POU2F1: variants seen among roughly 807,000 people sequenced by gnomAD.
POU2F1 encodes POU domain, class 2, transcription factor 1.
A neutral mutation model predicts 84.9 loss-of-function variants in POU2F1; 16 were observed. The observed-to-expected ratio is 0.19, with a 90% CI of 0.13 to 0.29. The LOEUF (loss-of-function observed/expected upper bound fraction) is 0.29. POU2F1 is among the 10% of genes least tolerant of loss of function. The pLI, the probability that POU2F1 is intolerant of heterozygous loss-of-function variation, is 1.00. For synonymous variants in POU2F1, 368 were observed against 368.3 expected (o/e 1.00, Z 0.01); for missense variants, 738 against 942.6 (o/e 0.78, Z 2.84).
intron 1 of POU2F1, among the ~76,000 whole-genome samples, chr1:167,304,321 A>G (rs1318098400): frequency 3.9e-5 from 6 of 152,186 alleles, no homozygotes; most frequent in Admixed American, 6.5e-5. Flanking sequence ...ATTTAAGCCT[A>G]CGAAGAACTC....
At chr1:167,322,983 G>A (rs746789332) in intron 1 of POU2F1, among the ~76,000 whole-genome samples, 69 of 152,166 alleles carry the variant, frequency 4.5e-4, no homozygotes, top group Non-Finnish European at 6.3e-4. Context: ...CATGGGCGTC[G>A]TAGCCATCAT....
At chr1:167,233,290 C>T (rs1437000421) in intron 1 of POU2F1, among the ~76,000 whole-genome samples, 1 of 151,798 alleles carries the variant, frequency 6.6e-6, no homozygotes, top group African/African-American at 2.4e-5. Context: ...GCGCACGCAC[C>T]CATGCCCAGC....
intron 1 of POU2F1, among the ~76,000 whole-genome samples, chr1:167,256,607 A>C (rs1651160668): frequency 6.6e-6 from 1 of 152,346 alleles, no homozygotes; most frequent in Admixed American, 6.5e-5. Context: ...AGTAGAATTC[A>C]GATCTCAGAA....
intron 1 of POU2F1, among the ~76,000 whole-genome samples, chr1:167,225,814 T>TA (rs1648586975): frequency 6.6e-6 from 1 of 152,224 alleles, no homozygotes; most frequent in Non-Finnish European, 1.5e-5. Flanking sequence ...GCCTTGTTGT[T>TA]ATCGGTTATT....
intron 1 of POU2F1, among the ~76,000 whole-genome samples, chr1:167,258,699 G>C (rs1380234851): frequency 6.6e-6 from 1 of 152,196 alleles, no homozygotes; most frequent in Non-Finnish European, 1.5e-5. Context: ...ATACTATGTA[G>C]ATACTTATAT....
In POU2F1 at chr1:167,413,253, GCTGA is replaced by G; in HGVS notation, c.1990+142_1990+145del. 3 of 736,844 alleles carry G rather than the reference GCTGA, an allele frequency of 4.1e-6. No individual in the cohort carries two copies. In the Admixed American group the frequency reaches 8.3e-5, roughly 20 times the overall value. 45.6% of individuals were successfully genotyped at this position (736,844 alleles called of 1,614,324 possible). Reference sequence around the variant, plus strand: ...TAAAAGTGATGGGAAAGAGTCAAATGCTGACTAACTTGTTCTTGAGAACTAAGAA... The same window carrying G: ...TAAAAGTGATGGGAAAGAGTCAAATGCTAACTTGTTCTTGAGAACTAAGAA... On this transcript the variant is annotated intron_variant, in intron 15 of 15. Coordinates refer to ENST00000367866, the MANE Select transcript of POU2F1 (RefSeq NM_002697.4).
intron 1 of POU2F1, among the ~76,000 whole-genome samples, chr1:167,270,849 A>G (rs931343362): frequency 3.3e-5 from 5 of 152,208 alleles, no homozygotes; most frequent in Admixed American, 3.3e-4. Flanking sequence ...TCTCCTGCCC[A>G]GCACATTTCT....
Position 167,332,606 on chromosome 1 carries a change from A to C in POU2F1, c.127+71A>C, listed in dbSNP as rs1298866345. 3.8e-6 allele frequency: 5 copies of C among 1,302,942 alleles called. No individual in the cohort carries two copies. In the South Asian group the frequency reaches 6.1e-5, roughly 16 times the overall value. The allele number at this position is 1,302,942 out of a possible 1,614,324, so 80.7% of individuals were successfully genotyped here. A position where few individuals can be genotyped will look rare whatever the true frequency, so the allele number is the denominator to read the frequency against. ...CAAAGAAGAAAGTTTCCATGTAACT[A>C]GGACTTGTATTTGGCAAATACAGAC... is the stretch of plus-strand genomic sequence containing the variant. On this transcript the variant is annotated intron_variant, in intron 2 of 15. Coordinates refer to ENST00000367866, the MANE Select transcript of POU2F1 (RefSeq NM_002697.4).
At chr1:167,324,185 A>AT (rs1656530279) in intron 1 of POU2F1, among the ~76,000 whole-genome samples, 1 of 152,228 alleles carries the variant, frequency 6.6e-6, no homozygotes, top group African/African-American at 2.4e-5. Context: ...ATAGAAAAGC[A>AT]TTATGGACTC....
At chr1:167,237,755 TATATATA>T (rs1168694247) in intron 1 of POU2F1, among the ~76,000 whole-genome samples, 2 of 45,474 alleles carry the variant, frequency 4.4e-5, no homozygotes, top group Non-Finnish European at 7.8e-5. Flanking sequence ...TGTATATATA[TATATATA>T]TATATATATA....
intron 2 of POU2F1, among the ~76,000 whole-genome samples, chr1:167,334,776 C>T (rs1471381152): frequency 6.6e-6 from 1 of 152,148 alleles, no homozygotes; most frequent in Non-Finnish European, 1.5e-5. Context: ...TTTATTTAAG[C>T]ATATAACAAA....
At chr1:167,403,180 A>G (rs1352763903) in intron 13 of POU2F1, among the ~76,000 whole-genome samples, 2 of 152,094 alleles carry the variant, frequency 1.3e-5, no homozygotes, top group Admixed American at 6.5e-5. Context: ...TTTTTTAATT[A>G]TTAAAAACAT....
At chr1:167,299,696 T>G (rs1027099047) in intron 1 of POU2F1, among the ~76,000 whole-genome samples, 13 of 101,970 alleles carry the variant, frequency 1.3e-4, no homozygotes, top group East Asian at 6.3e-4. Flanking sequence ...GAGACCAGAG[T>G]TTTTTTTTTT....
chr1:167,234,182 A>G (rs1649282472), intron 1 of POU2F1, among the ~76,000 whole-genome samples: 1 of 152,196 alleles, frequency 6.6e-6, no homozygotes, highest in African/African-American at 2.4e-5. Flanking sequence ...AGATCTATAG[A>G]TTTAACAGCT....
chr1:167,325,032 A>G (rs1656600592), intron 1 of POU2F1, among the ~76,000 whole-genome samples: 1 of 152,128 alleles, frequency 6.6e-6, no homozygotes, highest in Non-Finnish European at 1.5e-5. Context: ...ATGTTGTTTC[A>G]TATTTGGTGG....
At chr1:167,341,325 TTC>T (rs1657832690) in intron 2 of POU2F1, among the ~76,000 whole-genome samples, 1 of 152,204 alleles carries the variant, frequency 6.6e-6, no homozygotes, top group Non-Finnish European at 1.5e-5. Context: ...TAATCAGATT[TTC>T]TGATACTTGT....
intron 2 of POU2F1, among the ~76,000 whole-genome samples, chr1:167,341,064 A>G (rs1454561260): frequency 1.3e-5 from 2 of 152,174 alleles, no homozygotes; most frequent in African/African-American, 4.8e-5. Context: ...AGATGGGGGA[A>G]GAAATCTGTC....
intron 7 of POU2F1, among the ~76,000 whole-genome samples, chr1:167,378,383 G>T (rs1294739884): frequency 6.9e-6 from 1 of 145,186 alleles, no homozygotes; most frequent in East Asian, 2.0e-4. Context: ...TTACAGGCAT[G>T]CGCCACCATG....
At chr1:167,362,706 G>A (rs961272328) in intron 2 of POU2F1, among the ~76,000 whole-genome samples, 3 of 152,166 alleles carry the variant, frequency 2.0e-5, no homozygotes, top group Non-Finnish European at 1.5e-5. Flanking sequence ...GGTTTCTGTG[G>A]GAAAGTCAGG....
Sources: allele counts gnomAD v4.1 joint callset (sites outside exome capture counted in the v4.1 genomes callset), GRCh38; gene constraint gnomAD v4.1.1; transcripts MANE v1.5; gene names NCBI Gene and HGNC (gene_info 2026-07-23, HGNC 2026-07-21).